The following ADGRL2 variants were observed in gnomAD, a reference collection of about 807,000 sequenced individuals.
ADGRL2 encodes the protein calcium-independent alpha-latrotoxin receptor 2.
ADGRL2 carries 44 observed loss-of-function variants against 157.4 expected under a neutral mutation model. That is an observed-to-expected ratio of 0.28 (90% CI 0.22 to 0.36). The LOEUF is 0.36. Among genes scored for constraint, ADGRL2 ranks in the 10% least tolerant of loss-of-function variants. The pLI, the probability that ADGRL2 is intolerant of heterozygous loss-of-function variation, is 1.00. For missense variants in ADGRL2, 1,510 were observed against 1,768.9 expected (o/e 0.85, Z 2.63); for synonymous variants, 585 against 624.7 (o/e 0.94, Z 0.95).
intron 3 of ADGRL2, among the ~76,000 whole-genome samples, chr1:81,680,050 G>A (rs756622353): frequency 2.0e-5 from 3 of 152,248 alleles, no homozygotes; most frequent in Non-Finnish European, 4.4e-5. Flanking sequence ...GATTAGTAGC[G>A]ACTTAAAGGG....
rs1481752760 is a variant in ADGRL2, at chr1:81,993,056, T to TAC, written c.*1913_*1914dup. ...AAAAATTAAGTGCATATATATAATATACATATATATATATATATATATATA... is the reference window on the plus strand; with the variant it reads ...AAAAATTAAGTGCATATATATAATATACACATATATATATATATATATATATA... On this transcript the variant is annotated 3_prime_UTR_variant, in exon 24 of 24. Transcript: ENST00000686636. Among the ~76,000 whole-genome samples, 1 of 66,154 alleles carries TAC rather than the reference T, an allele frequency of 1.5e-5. No homozygotes were observed. Among genetic ancestry groups the TAC allele is most frequent in the African/African-American group, 6.9e-5 (1 of 14,442 alleles). 43.4% of individuals were successfully genotyped at this position (66,154 alleles called of 152,430 possible).
intron 1 of ADGRL2, among the ~76,000 whole-genome samples, chr1:81,389,024 G>T (rs2076488757): frequency 6.6e-6 from 1 of 152,094 alleles, no homozygotes; most frequent in South Asian, 2.1e-4. Context: ...TACCCCTGTG[G>T]CAAAGGCAAC....
intron 3 of ADGRL2, among the ~76,000 whole-genome samples, chr1:81,691,888 A>G (rs1331573507): frequency 1.4e-5 from 2 of 147,658 alleles, no homozygotes; most frequent in African/African-American, 2.5e-5. Context: ...GTGTATATAT[A>G]TATATATGTA....
At chr1:81,846,987 GTT>G (rs148126563) in intron 2 of ADGRL2, among the ~76,000 whole-genome samples, 1 of 143,810 alleles carries the variant, frequency 7.0e-6, no homozygotes, top group Admixed American at 6.9e-5. Flanking sequence ...GTGTTTTGTT[GTT>G]TTTTTTTTTT....
Position 81,335,156 on chromosome 1 carries a change from G to A in ADGRL2, c.-302+28647G>A, listed in dbSNP as rs142831364. Among the ~76,000 whole-genome samples the A allele has an allele frequency of 4.7e-3, 712 of 152,234 alleles. 8 individuals are homozygous for A. The highest frequency in any genetic ancestry group is 0.015 in the African/African-American group (643 of 41,540). On this transcript the variant is annotated intron_variant, in intron 1 of 24. Transcript: ENST00000370721. ...TCTTATAATTCTTCCAAGGCCTTAT[G>A]AATCATCTTATAATAACAAGATAAA...
At chr1:81,484,078 A>C (rs2078448878) in intron 2 of ADGRL2, among the ~76,000 whole-genome samples, 1 of 152,166 alleles carries the variant, frequency 6.6e-6, no homozygotes, top group East Asian at 1.9e-4. Flanking sequence ...AGATGTACAT[A>C]TACCTTCTGG....
chr1:81,317,104 G>C (rs1317645160), intron 1 of ADGRL2, among the ~76,000 whole-genome samples: 1 of 152,066 alleles, frequency 6.6e-6, no homozygotes, highest in African/African-American at 2.4e-5. Flanking sequence ...TTTGGGTTGG[G>C]GGTGGGAGGT....
intron 1 of ADGRL2, among the ~76,000 whole-genome samples, chr1:81,757,505 C>T (rs2085731771): frequency 6.6e-6 from 1 of 152,130 alleles, no homozygotes; most frequent in Non-Finnish European, 1.5e-5. Context: ...AGTGTTCAAA[C>T]TGTGTTCAAA....
intron 2 of ADGRL2, among the ~76,000 whole-genome samples, chr1:81,786,445 G>A (rs1444278450): frequency 1.3e-5 from 2 of 152,074 alleles, no homozygotes; most frequent in African/African-American, 4.8e-5. Context: ...GAGTTGTGGT[G>A]CACACCTATA....
intron 1 of ADGRL2, among the ~76,000 whole-genome samples, chr1:81,824,815 C>G (rs1412324152): frequency 1.3e-5 from 2 of 152,102 alleles, no homozygotes; most frequent in Non-Finnish European, 2.9e-5. Flanking sequence ...AATAAAAAAT[C>G]TTGAGTAAAA....
chr1:81,946,827 A>G (rs1386085765), intron 6 of ADGRL2, among the ~76,000 whole-genome samples: 1 of 152,168 alleles, frequency 6.6e-6, no homozygotes, highest in Non-Finnish European at 1.5e-5. Context: ...ACCAAGCTAC[A>G]GAAACTCTAG....
intron 2 of ADGRL2, among the ~76,000 whole-genome samples, chr1:81,781,556 A>T (rs969731119): frequency 2.6e-5 from 4 of 152,176 alleles, no homozygotes; most frequent in African/African-American, 9.7e-5. Context: ...GCCAACCAAC[A>T]TCTCTACATC....
intron 3 of ADGRL2, among the ~76,000 whole-genome samples, chr1:81,684,304 T>A: frequency 6.6e-6 from 1 of 152,234 alleles, no homozygotes; most frequent in South Asian, 2.1e-4. Context: ...TACTGTTTTT[T>A]AATTTTTTTA....
At chr1:81,333,297 G>A (rs1021718460) in intron 1 of ADGRL2, among the ~76,000 whole-genome samples, 5 of 152,042 alleles carry the variant, frequency 3.3e-5, no homozygotes, top group South Asian at 4.1e-4. Flanking sequence ...TAGAATTACC[G>A]GAGACACCTT....
rs1394467421 is a variant in ADGRL2, at chr1:81,869,196, ATATACT to A, written c.73+32144_73+32149del. Among the ~76,000 whole-genome samples, 9 of 152,084 alleles carry A rather than the reference ATATACT, an allele frequency of 5.9e-5. No homozygotes were observed. In the South Asian group the frequency reaches 6.2e-4, roughly 10 times the overall value. On this transcript the variant is annotated intron_variant, in intron 2 of 23. Coordinates refer to ENST00000686636, the MANE Select transcript of ADGRL2 (RefSeq NM_001366006.2). ...AGAAGAGGACCAAATTATTGTTAAGATATACTTATAAATCACTTGGGTCCTTTTCGA... is the reference window on the plus strand; with the variant it reads ...AGAAGAGGACCAAATTATTGTTAAGATATAAATCACTTGGGTCCTTTTCGA...
intron 1 of ADGRL2, among the ~76,000 whole-genome samples, chr1:81,750,806 CATAGAT>C (rs1157035248): frequency 1.3e-5 from 2 of 152,078 alleles, no homozygotes; most frequent in African/African-American, 4.8e-5. Context: ...AGCAGTGTTT[CATAGAT>C]ATAGATATAT....
chr1:81,635,269 C>G (rs566261793), intron 3 of ADGRL2, among the ~76,000 whole-genome samples: 11 of 152,262 alleles, frequency 7.2e-5, no homozygotes, highest in African/African-American at 2.6e-4. Context: ...GGTGACTTCC[C>G]AAATAAACTA....
chr1:81,949,098 G>C (rs1248602406), intron 6 of ADGRL2, among the ~76,000 whole-genome samples: 1 of 152,128 alleles, frequency 6.6e-6, no homozygotes, highest in Non-Finnish European at 1.5e-5. Flanking sequence ...TTATTAAGAT[G>C]ATTTGAAAAC....
chr1:81,408,994 T>A (rs2076904799), intron 1 of ADGRL2, among the ~76,000 whole-genome samples: 1 of 152,222 alleles, frequency 6.6e-6, no homozygotes, highest in Non-Finnish European at 1.5e-5. Context: ...AGAAGCAATG[T>A]TCAGACTCAA....
Sources: gnomAD v4.1 joint callset for allele counts (sites outside exome capture counted in the v4.1 genomes callset) on GRCh38, gnomAD v4.1.1 for gene constraint, MANE v1.5 for transcripts, NCBI Gene and HGNC (gene_info 2026-07-23, HGNC 2026-07-21) for gene names.